Variants in MNAT1 observed in about 807,000 individuals in gnomAD.
MNAT1 encodes the protein CDK-activating kinase assembly factor MAT1.
A neutral mutation model predicts 42.0 loss-of-function variants in MNAT1; 43 were observed. That is an observed-to-expected ratio of 1.02 (90% CI 0.80 to 1.32). The LOEUF is 1.32. Among genes scored for constraint, MNAT1 ranks in the 40% most tolerant of loss-of-function variants. The probability of loss-of-function intolerance (pLI) is 0.00; values close to 1 mark genes in which losing one functional copy is unlikely to be tolerated. For missense variants in MNAT1, 306 were observed against 350.4 expected, an observed-to-expected ratio of 0.87 and a Z score of 1.01; for synonymous variants, 118 against 120.0, an observed-to-expected ratio of 0.98 and a Z score of 0.11.
At chr14:60,818,143 A>G (rs4151226) in intron 5 of MNAT1, among the ~76,000 whole-genome samples, 143,464 of 151,950 alleles carry the variant, frequency 0.94, 68,038 homozygotes, top group Non-Finnish European at 0.99. Flanking sequence ...AATGTGTCTG[A>G]GTGCTTATAA....
In MNAT1 at chr14:60,834,923, CCCTTCCTTCCTT is replaced by C. The variant is rs35945471; in HGVS notation, c.687+16120_687+16131del. ...TTGATCCCTTTACCATTATGTAGTG[CCCTTCCTTCCTT>C]CCTTCCTTCCTTCCTTCCTTCCTTC... On this transcript the variant is annotated intron_variant, in intron 6 of 7. Coordinates refer to ENST00000261245, the MANE Select transcript of MNAT1 (RefSeq NM_002431.4). Among the ~76,000 whole-genome samples the C allele has an allele frequency of 3.0e-3, 279 of 93,944 alleles. 3 individuals are homozygous for C. The highest frequency in any genetic ancestry group is 8.5e-3 in the African/African-American group (188 of 22,038). The allele number at this position is 93,944 out of a possible 152,430, so 61.6% of individuals were successfully genotyped here. A position where few individuals can be genotyped will look rare whatever the true frequency, so the allele number is the denominator to read the frequency against.
chr14:60,937,146 G>A (rs1299905607), intron 7 of MNAT1, among the ~76,000 whole-genome samples: 1 of 151,796 alleles, frequency 6.6e-6, no homozygotes, highest in Admixed American at 6.6e-5. Flanking sequence ...AGAAGAGTAG[G>A]TTGCAAAAAT....
intron 7 of MNAT1, among the ~76,000 whole-genome samples, chr14:60,910,122 G>A (rs2035313844): frequency 6.6e-6 from 1 of 152,142 alleles, no homozygotes; most frequent in African/African-American, 2.4e-5. Context: ...TTGGCTCTCT[G>A]TTTGTCTGTG....
chr14:60,957,136 C>T (rs1045828712), intron 7 of MNAT1, among the ~76,000 whole-genome samples: 25 of 151,910 alleles, frequency 1.6e-4, no homozygotes, highest in Admixed American at 5.2e-4. Flanking sequence ...TTCTTCTATT[C>T]CTTTCTCTTC....
intron 7 of MNAT1, among the ~76,000 whole-genome samples, chr14:60,910,711 G>T (rs1304403008): frequency 6.6e-6 from 1 of 152,190 alleles, no homozygotes; most frequent in Non-Finnish European, 1.5e-5. Flanking sequence ...TTGATGTGCT[G>T]CTGGATTTGG....
intron 7 of MNAT1, among the ~76,000 whole-genome samples, chr14:60,911,370 T>TC (rs1304534585): frequency 6.6e-6 from 1 of 152,218 alleles, no homozygotes; most frequent in Non-Finnish European, 1.5e-5. Flanking sequence ...TGCTAGCTTT[T>TC]GAATGTGTTT....
intron 7 of MNAT1, among the ~76,000 whole-genome samples, chr14:60,921,304 T>G (rs1464286685): frequency 6.6e-6 from 1 of 152,194 alleles, no homozygotes; most frequent in African/African-American, 2.4e-5. Context: ...CATGTATCTG[T>G]TAAAATAAAT....
At chr14:60,770,733 G>A (rs192423131) in intron 1 of MNAT1, among the ~76,000 whole-genome samples, 11 of 152,100 alleles carry the variant, frequency 7.2e-5, no homozygotes, top group Admixed American at 5.2e-4. Context: ...AAATGGTTGC[G>A]TTATTTTATA....
chr14:60,941,762 T>C (rs1414124585), intron 7 of MNAT1, among the ~76,000 whole-genome samples: 1 of 150,392 alleles, frequency 6.6e-6, no homozygotes, highest in Non-Finnish European at 1.5e-5. Flanking sequence ...CCCAGCACTT[T>C]GGGAGGCTGA....
chr14:60,876,609 C>T (rs4151292), intron 6 of MNAT1, among the ~76,000 whole-genome samples: 7,690 of 152,138 alleles, frequency 0.051, 270 homozygotes, highest in South Asian at 0.1. Flanking sequence ...ATGGTAACCA[C>T]TGATCTACTT....
chr14:60,812,387 C>T (rs1039349722), intron 5 of MNAT1, among the ~76,000 whole-genome samples: 1 of 152,230 alleles, frequency 6.6e-6, no homozygotes, highest in African/African-American at 2.4e-5. Context: ...TTTTCTGCTT[C>T]CCTAATGTAT....
intron 1 of MNAT1, among the ~76,000 whole-genome samples, chr14:60,752,232 A>G (rs1300037424): frequency 6.6e-6 from 1 of 152,134 alleles, no homozygotes; most frequent in Non-Finnish European, 1.5e-5. Context: ...AGCTTTCAAA[A>G]GTGATGGGAT....
intron 7 of MNAT1, among the ~76,000 whole-genome samples, chr14:60,952,103 C>T (rs1348242941): frequency 6.6e-6 from 1 of 152,036 alleles, no homozygotes; most frequent in African/African-American, 2.4e-5. Flanking sequence ...GGGCTGCAAG[C>T]CCAGTTTCAG....
intron 7 of MNAT1, among the ~76,000 whole-genome samples, chr14:60,911,946 G>A (rs1303250004): frequency 6.6e-6 from 1 of 152,124 alleles, no homozygotes; most frequent in South Asian, 2.1e-4. Flanking sequence ...TTATTATTGT[G>A]TGGGAGTCTA....
At chr14:60,849,910 C>T (rs564585604) in intron 6 of MNAT1, among the ~76,000 whole-genome samples, 1 of 151,900 alleles carries the variant, frequency 6.6e-6, no homozygotes, top group Non-Finnish European at 1.5e-5. Context: ...GATCTCAGCT[C>T]ACTGCAACCT....
chr14:60,940,764 A>AC (rs2036136484), intron 7 of MNAT1, among the ~76,000 whole-genome samples: 2 of 152,170 alleles, frequency 1.3e-5, no homozygotes, highest in Admixed American at 6.5e-5. Flanking sequence ...CAATGGCTTA[A>AC]TAAACTTATG....
intron 3 of MNAT1, among the ~76,000 whole-genome samples, chr14:60,807,242 A>G (rs982337940): frequency 6.6e-6 from 1 of 152,200 alleles, no homozygotes; most frequent in Non-Finnish European, 1.5e-5. Context: ...AGTCTGTTTG[A>G]TGGCTTTACT....
Position 60,817,890 on chromosome 14 carries a change from G to A in MNAT1, c.562-832G>A, listed in dbSNP as rs1594775798. Among the ~76,000 whole-genome samples, 3 of 151,858 alleles carry A rather than the reference G, an allele frequency of 2.0e-5. 1 individual carries two copies. Among genetic ancestry groups the A allele is most frequent in the South Asian group, 4.2e-4 (2 of 4,818 alleles). On this transcript the variant is annotated intron_variant, in intron 5 of 7. Transcript: ENST00000261245. ...AATCTCTCTCTCTGCTTGTGTGTTT[G>A]TGTGTGTGTGTTTGTTTGTGTGTGT...
chr14:60,849,328 C>A (rs2033763327), intron 6 of MNAT1, among the ~76,000 whole-genome samples: 1 of 152,068 alleles, frequency 6.6e-6, no homozygotes, highest in African/African-American at 2.4e-5. Flanking sequence ...CATTGCTTAA[C>A]AATATATTTG....
Sources: gnomAD v4.1 joint callset for allele counts (sites outside exome capture counted in the v4.1 genomes callset) on GRCh38, gnomAD v4.1.1 for gene constraint, MANE v1.5 for transcripts, NCBI Gene and HGNC (gene_info 2026-07-23, HGNC 2026-07-21) for gene names.